Variants in CALD1 observed in about 807,000 individuals in gnomAD.
The protein encoded by CALD1 is caldesmon.
Under a neutral mutation model 99.9 loss-of-function variants are expected in CALD1, and 33 were observed. The observed-to-expected ratio is 0.33, with a 90% CI of 0.25 to 0.44. CALD1 has a LOEUF of 0.44. Among genes scored for constraint, CALD1 ranks in the 20% least tolerant of loss-of-function variants. The probability of loss-of-function intolerance (pLI) is 1.00; values close to 1 mark genes in which losing one functional copy is unlikely to be tolerated. For synonymous variants in CALD1, 310 were observed against 325.0 expected, an observed-to-expected ratio of 0.95 and a Z score of 0.50; for missense variants, 861 against 962.1, an observed-to-expected ratio of 0.89 and a Z score of 1.39.
At chr7:134,890,093 G>C (rs1042048248) in intron 3 of CALD1, among the ~76,000 whole-genome samples, 1 of 152,114 alleles carries the variant, frequency 6.6e-6, no homozygotes, top group African/African-American at 2.4e-5. Context: ...ATTTTTAGTA[G>C]AGACGGGGTT....
At chr7:134,853,396 C>T (rs3800739) in intron 2 of CALD1, among the ~76,000 whole-genome samples, 111,179 of 152,084 alleles carry the variant, frequency 0.73, 41,053 homozygotes, top group East Asian at 0.98. Context: ...TTATGTTCCC[C>T]GTATGAATTC....
At chr7:134,938,642 A>T (rs924652771) in intron 6 of CALD1, among the ~76,000 whole-genome samples, 1 of 151,308 alleles carries the variant, frequency 6.6e-6, no homozygotes, top group Non-Finnish European at 1.5e-5. Flanking sequence ...CATAACATCT[A>T]AAAAAAAATG....
At chr7:134,717,238 G>A in the CALD1 span, among the ~76,000 whole-genome samples, 6 of 152,102 alleles carry the variant, frequency 3.9e-5, no homozygotes, top group African/African-American at 1.2e-4. Context: ...TTTAGGGTAG[G>A]GTTCATTCTG....
intron 4 of CALD1, among the ~76,000 whole-genome samples, chr7:134,932,305 A>G (rs1172467999): frequency 6.6e-6 from 1 of 152,142 alleles, no homozygotes; most frequent in Non-Finnish European, 1.5e-5. Context: ...GAATCTCAAC[A>G]CTGTAATGTA....
intron 3 of CALD1, among the ~76,000 whole-genome samples, chr7:134,900,883 G>A (rs150873258): frequency 6.6e-6 from 1 of 152,116 alleles, no homozygotes; most frequent in Non-Finnish European, 1.5e-5. Flanking sequence ...CCAACAAACT[G>A]ATAGACGCCA....
chr7:134,735,440 G>T, the CALD1 span, among the ~76,000 whole-genome samples: 1 of 152,092 alleles, frequency 6.6e-6, no homozygotes, highest in Non-Finnish European at 1.5e-5. Flanking sequence ...AAACTTGGGT[G>T]GTAATGCCAT....
intron 3 of CALD1, among the ~76,000 whole-genome samples, chr7:134,879,677 T>C (rs1328332988): frequency 3.3e-5 from 5 of 152,252 alleles, no homozygotes; most frequent in African/African-American, 1.2e-4. Context: ...AAGCTTCTAA[T>C]GTTTTGCCAG....
intron 7 of CALD1, among the ~76,000 whole-genome samples, 156 bp from the exon 8 acceptor site, chr7:134,947,352 T>C (rs1806963384): frequency 6.6e-6 from 1 of 152,106 alleles, no homozygotes; most frequent in South Asian, 2.1e-4. Flanking sequence ...GACTCTGTGA[T>C]TCCGGGCAGA....
chr7:134,758,150 A>T (rs1338168378), intron 1 of CALD1, among the ~76,000 whole-genome samples: 1 of 152,138 alleles, frequency 6.6e-6, no homozygotes, highest in African/African-American at 2.4e-5. Context: ...GCTGATTCAG[A>T]CTGTTGTGTG....
chr7:134,965,354 C>T lies in CALD1; in HGVS notation c.2344C>T (p.Gln782Ter). The change falls in exon 14 of 15, where the codon CAA becomes TAA. Residue 782 changes from glutamine to a stop codon, truncating the protein, a stop_gained. Coordinates refer to ENST00000361675, the MANE Select transcript of CALD1 (RefSeq NM_033138.4). LOFTEE classifies it high-confidence loss of function. ...CAGCAAGCGGAACCTCTGGGAAAAGCAATCTGTGGATAAGGTCACTTCCCC... is the reference window on the plus strand; with the variant it reads ...CAGCAAGCGGAACCTCTGGGAAAAGTAATCTGTGGATAAGGTCACTTCCCC... ...VSSKRNLWEK[Q>*]SVDKVTSPTK... The T allele has an allele frequency of 6.3e-7, 1 of 1,584,764 alleles. No homozygotes were observed. The highest frequency in any genetic ancestry group is 8.7e-7 in the Non-Finnish European group (1 of 1,153,272).
chr7:134,906,256 C>T (rs565696421), intron 3 of CALD1, among the ~76,000 whole-genome samples: 2 of 152,072 alleles, frequency 1.3e-5, no homozygotes, highest in African/African-American at 4.8e-5. Context: ...TAAGTTCTAA[C>T]CCCTGTCCTG....
At position 134,781,723 on chromosome 7, in the gene CALD1, A is replaced by C. The variant is rs149047351; in HGVS notation, c.-130+1974A>C. ...TGTACAATGGATTGATCCATAAGTAAAGTGCAGGGTTGTTTCAAGTATTCG... is the reference window on the plus strand; with the variant it reads ...TGTACAATGGATTGATCCATAAGTACAGTGCAGGGTTGTTTCAAGTATTCG... On this transcript the variant is annotated intron_variant, in intron 1 of 14. Transcript: ENST00000361675. 3.0e-3 allele frequency among the ~76,000 whole-genome samples: 463 copies of C among 152,344 alleles called. 4 individuals carry two copies. The highest frequency in any genetic ancestry group is 0.011 in the African/African-American group (438 of 41,570).
intron 1 of CALD1, among the ~76,000 whole-genome samples, chr7:134,806,900 A>G (rs1686907267): frequency 6.6e-6 from 1 of 152,264 alleles, no homozygotes; most frequent in African/African-American, 2.4e-5. Context: ...AGATCTAGTA[A>G]ATGAAACAGA....
upstream of CALD1, among the ~76,000 whole-genome samples, chr7:134,777,318 G>C (rs1461976106): frequency 9.9e-5 from 15 of 152,046 alleles, no homozygotes; most frequent in Admixed American, 9.8e-4. Context: ...ACATAAAATA[G>C]GTTGTGTGGT....
chr7:134,850,061 C>A (rs952330309), intron 2 of CALD1, among the ~76,000 whole-genome samples: 11 of 152,152 alleles, frequency 7.2e-5, no homozygotes, highest in African/African-American at 2.7e-4. Context: ...AAGACAAATT[C>A]AGCTTATTTT....
At chr7:134,742,796 C>G (rs1261191210), upstream of CALD1, among the ~76,000 whole-genome samples, 3 of 152,206 alleles carry the variant, frequency 2.0e-5, no homozygotes, top group Non-Finnish European at 4.4e-5. Context: ...GTAACTAACA[C>G]CTACCCTTCT....
chr7:134,745,883 T>A (rs750776084), intron 1 of CALD1, among the ~76,000 whole-genome samples: 15 of 152,212 alleles, frequency 9.9e-5, no homozygotes, highest in Non-Finnish European at 1.8e-4. Flanking sequence ...ATCCCAGAGT[T>A]TTGGAAGATT....
At chr7:134,836,913 C>T (rs1264515695) in intron 1 of CALD1, among the ~76,000 whole-genome samples, 1 of 152,138 alleles carries the variant, frequency 6.6e-6, no homozygotes, top group Non-Finnish European at 1.5e-5. Flanking sequence ...CAAATAGCAT[C>T]GCAGATTACT....
intron 4 of CALD1, 147 bp downstream of exon 4, chr7:134,929,047 C>A: frequency 1.5e-6 from 1 of 671,346 alleles, no homozygotes; most frequent in Non-Finnish European, 2.5e-6. Flanking sequence ...TCATTTTAGG[C>A]AACTAATCTG....
Sources: gnomAD v4.1 joint callset for allele counts (sites outside exome capture counted in the v4.1 genomes callset) on GRCh38, gnomAD v4.1.1 for gene constraint, MANE v1.5 for transcripts, NCBI Gene and HGNC (gene_info 2026-07-23, HGNC 2026-07-21) for gene names.